Variants in NIPAL2 observed in about 807,000 individuals in gnomAD.
NIPAL2 encodes NIPA-like protein 2.
NIPAL2 carries 43 observed loss-of-function variants against 48.9 expected under a neutral mutation model. That is an observed-to-expected ratio of 0.88 (90% CI 0.69 to 1.13). The LOEUF (loss-of-function observed/expected upper bound fraction) is 1.13, where lower values mean the gene tolerates loss of function less well. Among genes scored for constraint, NIPAL2 ranks in the 50% most tolerant of loss-of-function variants. The pLI, the probability that NIPAL2 is intolerant of heterozygous loss-of-function variation, is 0.00. For synonymous variants in NIPAL2, 167 were observed against 174.6 expected (o/e 0.96, Z 0.34); for missense variants, 446 against 461.4 (o/e 0.97, Z 0.31).
At position 98,294,034 on chromosome 8, in the gene NIPAL2, G is replaced by C; in HGVS notation, c.104C>G (p.Ser35Cys). The C allele has an allele frequency of 6.7e-7, 1 of 1,497,538 alleles. No individual in the cohort carries two copies. Among genetic ancestry groups the C allele is most frequent in the Non-Finnish European group, 8.9e-7 (1 of 1,123,408 alleles). The allele number at this position is 1,497,538 out of a possible 1,614,324, so 92.8% of individuals were successfully genotyped here. A position where few individuals can be genotyped will look rare whatever the true frequency, so the allele number is the denominator to read the frequency against. ...CCTGCGGTACCAGTCGCCCGAGAGG[G>C]AGCCGTTGCCGGCGCCTGGTGCCCC... is the stretch of plus-strand genomic sequence containing the variant. Reference protein sequence around the residue: ...TYGAPGAGNGSLSGDWYRRNQ... With the variant: ...TYGAPGAGNGCLSGDWYRRNQ... Residue 35 changes from serine (S) to cysteine (C), a missense_variant, in exon 1 of 11, where the codon TCC becomes TGC. Physicochemically the swap from Ser to Cys is moderately radical, Grantham distance 112 (BLOSUM62 -1). Transcript: ENST00000430223.
intron 1 of NIPAL2, among the ~76,000 whole-genome samples, chr8:98,267,608 C>CTG (rs1814850877): frequency 6.6e-6 from 1 of 152,308 alleles, no homozygotes; most frequent in Admixed American, 6.5e-5. Flanking sequence ...GCATGAGCCA[C>CTG]TGCACCTGGC....
intron 4 of NIPAL2, among the ~76,000 whole-genome samples, chr8:98,229,776 T>TATG (rs567704225): frequency 1.3e-5 from 2 of 152,184 alleles, no homozygotes; most frequent in African/African-American, 4.8e-5. Context: ...CATGCTAAAA[T>TATG]ATGATGATGA....
intron 1 of NIPAL2, among the ~76,000 whole-genome samples, chr8:98,286,747 T>C (rs1816189499): frequency 6.8e-6 from 1 of 147,372 alleles, no homozygotes; most frequent in African/African-American, 2.5e-5. Context: ...AGGCAGAGGT[T>C]GCAGCGAGCT....
In NIPAL2 at chr8:98,294,097, G is replaced by A. The variant is rs755826238; in HGVS notation, c.41C>T (p.Ser14Leu). 3 of 1,489,356 alleles carry A rather than the reference G, an allele frequency of 2.0e-6. No individual in the cohort carries two copies. The highest frequency in any genetic ancestry group is 1.5e-5 in the African/African-American group (1 of 68,390). 92.3% of individuals were successfully genotyped at this position (1,489,356 alleles called of 1,614,324 possible). Residue 14 changes from serine to leucine, a missense_variant, in exon 1 of 11, where the codon TCG becomes TTG. Physicochemically the swap from Ser to Leu is moderately radical, Grantham distance 145. Transcript: ENST00000430223. ...VAPAGPGDSA[S>L]AALDELSLNF... The stretch of plus-strand genomic sequence containing the variant: ...CAGTGACAGCTCGTCCAGGGCGGCC[G>A]AGGCGGAGTCCCCGGGGCCCGCGGG...
At chr8:98,271,380 A>G (rs1815113806) in intron 1 of NIPAL2, among the ~76,000 whole-genome samples, 1 of 152,106 alleles carries the variant, frequency 6.6e-6, no homozygotes, top group Non-Finnish European at 1.5e-5. Context: ...TTTCAGCAGT[A>G]TTTTGTAGTT....
At chr8:98,258,007 G>A (rs1814012875) in intron 1 of NIPAL2, among the ~76,000 whole-genome samples, 2 of 152,138 alleles carry the variant, frequency 1.3e-5, no homozygotes, top group African/African-American at 4.8e-5. Context: ...TAATCTCCTG[G>A]AGCTGTGCCA....
At chr8:98,228,478 C>T (rs1482348231) in intron 4 of NIPAL2, among the ~76,000 whole-genome samples, 2 of 152,226 alleles carry the variant, frequency 1.3e-5, no homozygotes, top group African/African-American at 4.8e-5. Flanking sequence ...CTACTTGCTA[C>T]CTGGAAGAGC....
intron 6 of NIPAL2, among the ~76,000 whole-genome samples, chr8:98,211,253 T>G (rs377298661): frequency 6.6e-6 from 1 of 152,240 alleles, no homozygotes; most frequent in African/African-American, 2.4e-5. Context: ...ATTATCTTAA[T>G]TCTGTTATCT....
chr8:98,236,322 T>C (rs1249679257), intron 3 of NIPAL2, 108 bp from the exon 4 acceptor site: 3 of 669,912 alleles, frequency 4.5e-6, no homozygotes, highest in South Asian at 1.9e-5. Context: ...ATGAGCTATG[T>C]CCTGATCAGA....
chr8:98,243,055 C>G (rs141390367), intron 3 of NIPAL2, among the ~76,000 whole-genome samples: 3 of 152,266 alleles, frequency 2.0e-5, no homozygotes, highest in African/African-American at 7.2e-5. Context: ...GAATACTATC[C>G]GTAAGGGGAA....
chr8:98,252,454 A>G lies in NIPAL2; in HGVS notation c.376+9T>C. ...AAGTTTCTATTTGTCAAAATACAGA[A>G]TGGCTTACCTGTAACAGACACACAG... On this transcript the variant is annotated intron_variant, in intron 3 of 10. Coordinates refer to ENST00000430223, the MANE Select transcript of NIPAL2 (RefSeq NM_001321635.2). 1 of 1,579,922 alleles carries G rather than the reference A, an allele frequency of 6.3e-7. No homozygotes were observed. Among genetic ancestry groups the G allele is most frequent in the Non-Finnish European group, 8.6e-7 (1 of 1,161,728 alleles).
intron 1 of NIPAL2, among the ~76,000 whole-genome samples, chr8:98,276,010 GC>G (rs1815437251): frequency 1.3e-5 from 2 of 152,080 alleles, no homozygotes; most frequent in Admixed American, 1.3e-4. Context: ...TTTTCTCCCT[GC>G]TGCCACACAT....
At chr8:98,273,776 A>G (rs1405264520) in intron 1 of NIPAL2, among the ~76,000 whole-genome samples, 2 of 151,962 alleles carry the variant, frequency 1.3e-5, no homozygotes, top group Non-Finnish European at 2.9e-5. Flanking sequence ...CTCTTAACTC[A>G]TTAGCTTTTT....
intron 5 of NIPAL2, among the ~76,000 whole-genome samples, chr8:98,219,494 A>AGGTTCC (rs1811740667): frequency 6.6e-6 from 1 of 152,134 alleles, no homozygotes; most frequent in African/African-American, 2.4e-5. Flanking sequence ...CCAGGGAGTA[A>AGGTTCC]ATGCTGCATA....
chr8:98,210,896 G>T (rs191554869), intron 6 of NIPAL2, among the ~76,000 whole-genome samples: 1 of 152,200 alleles, frequency 6.6e-6, no homozygotes, highest in African/African-American at 2.4e-5. Flanking sequence ...CCTTGTTTTA[G>T]ATGAAAATTT....
At chr8:98,264,841 G>C (rs1472630827) in intron 1 of NIPAL2, among the ~76,000 whole-genome samples, 2 of 152,046 alleles carry the variant, frequency 1.3e-5, no homozygotes, top group Admixed American at 1.3e-4. Context: ...TAAGCCAAAA[G>C]AACAAAGCTG....
At chr8:98,281,938 G>A (rs1251325985) in intron 1 of NIPAL2, among the ~76,000 whole-genome samples, 2 of 152,226 alleles carry the variant, frequency 1.3e-5, no homozygotes, top group Admixed American at 6.5e-5. Context: ...GAGGATACCT[G>A]TGATGGCATT....
chr8:98,244,572 C>CGCTGTGGTGATGAGAGGGGGG (rs1813194680), intron 3 of NIPAL2, among the ~76,000 whole-genome samples: 1 of 53,618 alleles, frequency 1.9e-5, no homozygotes, highest in Non-Finnish European at 3.7e-5. Context: ...AAGGGGGGTG[C>CGCTGTGGTGATGAGAGGGGGG]GCTGTGGTGA....
intron 3 of NIPAL2, among the ~76,000 whole-genome samples, chr8:98,243,225 T>C (rs1563516695): frequency 6.6e-6 from 1 of 152,202 alleles, no homozygotes; most frequent in Non-Finnish European, 1.5e-5. Flanking sequence ...CTGACTCCTA[T>C]TGGTGAGTCA....
Sources: allele counts gnomAD v4.1 joint callset (sites outside exome capture counted in the v4.1 genomes callset), GRCh38; gene constraint gnomAD v4.1.1; transcripts MANE v1.5; gene names NCBI Gene and HGNC (gene_info 2026-07-23, HGNC 2026-07-21).